Variants in SLC26A7 observed in about 807,000 individuals in gnomAD.
SLC26A7 encodes solute carrier family 26 member 7, also known as anion exchange transporter.
Under a neutral mutation model 82.5 loss-of-function variants are expected in SLC26A7, and 59 were observed. The observed-to-expected ratio is 0.72, with a 90% confidence interval of 0.58 to 0.89. SLC26A7 has a LOEUF of 0.89. Ranked by LOEUF, SLC26A7 falls within the 40% of genes least tolerant of loss-of-function variation. SLC26A7 has a pLI of 0.00. For synonymous variants in SLC26A7, 271 were observed against 274.3 expected (o/e 0.99, Z 0.12); for missense variants, 820 against 793.0 (o/e 1.03, Z -0.41).
upstream of SLC26A7, among the ~76,000 whole-genome samples, chr8:91,248,310 T>C (rs534671664): frequency 3.7e-4 from 57 of 152,248 alleles, no homozygotes; most frequent in African/African-American, 1.3e-3. Flanking sequence ...ATGTCATCTT[T>C]AGAAGATGGA....
At chr8:91,381,345 T>C (rs1814665858) in intron 15 of SLC26A7, among the ~76,000 whole-genome samples, 1 of 152,060 alleles carries the variant, frequency 6.6e-6, no homozygotes, top group South Asian at 2.1e-4. Context: ...TACAACATAA[T>C]AAAATAGAAT....
At chr8:91,243,698 T>C (rs753582085) in intron 2 of SLC26A7, among the ~76,000 whole-genome samples, 1 of 152,230 alleles carries the variant, frequency 6.6e-6, no homozygotes, top group East Asian at 1.9e-4. Flanking sequence ...ATAGTTTCCA[T>C]GTTTTCATCA....
intron 4 of SLC26A7, among the ~76,000 whole-genome samples, chr8:91,305,233 GT>G (rs892545122): frequency 4.4e-4 from 66 of 149,454 alleles, no homozygotes; most frequent in African/African-American, 1.1e-3. Context: ...ATTAAATTGA[GT>G]TTTTTTTTTC....
upstream of SLC26A7, among the ~76,000 whole-genome samples, chr8:91,249,107 T>A (rs1418915304): frequency 3.3e-5 from 5 of 152,158 alleles, no homozygotes; most frequent in Non-Finnish European, 2.9e-5. Flanking sequence ...CTGGATTCTC[T>A]GAATATATTT....
intron 9 of SLC26A7, among the ~76,000 whole-genome samples, chr8:91,344,993 A>G (rs1813522083): frequency 6.8e-6 from 1 of 147,172 alleles, no homozygotes; most frequent in African/African-American, 2.5e-5. Context: ...CTCAGGCTGG[A>G]GTGCAGTGGC....
At chr8:91,394,482 A>G (rs867755308) in intron 18 of SLC26A7, 5 of 1,355,354 alleles carry the variant, frequency 3.7e-6, no homozygotes, top group African/African-American at 2.9e-5. Flanking sequence ...TAGTGCTCAC[A>G]TGATCTGAAG....
intron 5 of SLC26A7, among the ~76,000 whole-genome samples, chr8:91,326,870 C>G (rs1812945203): frequency 6.6e-6 from 1 of 152,190 alleles, no homozygotes; most frequent in Non-Finnish European, 1.5e-5. Flanking sequence ...TGGCTCCTGG[C>G]ATTCCTTGGC....
intron 2 of SLC26A7, among the ~76,000 whole-genome samples, chr8:91,239,426 A>T (rs1172182676): frequency 7.1e-6 from 1 of 139,910 alleles, no homozygotes; most frequent in African/African-American, 2.6e-5. Flanking sequence ...ATGTATATAT[A>T]TGTATATATG....
At position 91,239,408 on chromosome 8, in the gene SLC26A7, ATATG is replaced by A. The variant is rs1198132180; in HGVS notation, c.-33-10207_-33-10204del. Among the ~76,000 whole-genome samples, 583 of 101,746 alleles carry A rather than the reference ATATG, an allele frequency of 5.7e-3. 4 individuals are homozygous for A. The highest frequency in any genetic ancestry group is 0.019 in the African/African-American group (548 of 28,510). 66.7% of individuals were successfully genotyped at this position (101,746 alleles called of 152,430 possible). ...AAAAAAAAAAAAAATATATATATAT[ATATG>A]TATATGTATATATATGTATATATGT... On this transcript the variant is annotated intron_variant, in intron 2 of 5. Coordinates refer to the SLC26A7 transcript ENST00000522862.
At position 91,366,562 on chromosome 8, in the gene SLC26A7, GTTT is replaced by G. The variant is rs750938141; in HGVS notation, c.1489-15_1489-13del. 6.2e-7 allele frequency: 1 copy of G among 1,608,252 alleles called. No individual in the cohort carries two copies. The highest frequency in any genetic ancestry group is 8.5e-7 in the Non-Finnish European group (1 of 1,178,596). Reference sequence around the variant, plus strand: ...ATTTTCTATTTAGAGTTCTGAATCTGTTTTTCTCCTCCAAAAGGAAACCCTGCA... The same window carrying G: ...ATTTTCTATTTAGAGTTCTGAATCTGTTCTCCTCCAAAAGGAAACCCTGCA... On this transcript the variant is annotated splice_polypyrimidine_tract_variant and intron_variant, in intron 13 of 18. Coordinates refer to ENST00000276609, the MANE Select transcript of SLC26A7 (RefSeq NM_052832.4).
At chr8:91,306,162 A>C (rs536699620) in intron 4 of SLC26A7, among the ~76,000 whole-genome samples, 86 of 151,648 alleles carry the variant, frequency 5.7e-4, no homozygotes, top group Non-Finnish European at 1.1e-3. Flanking sequence ...TGATCCTCAT[A>C]CTCTTCCCTC....
At chr8:91,342,507 A>G (rs1006201297) in intron 8 of SLC26A7, among the ~76,000 whole-genome samples, 5 of 152,234 alleles carry the variant, frequency 3.3e-5, no homozygotes, top group African/African-American at 9.6e-5. Flanking sequence ...AGATGGAAGT[A>G]TATGGATTCT....
chr8:91,372,187 T>C (rs145443938), intron 15 of SLC26A7, among the ~76,000 whole-genome samples: 1 of 152,186 alleles, frequency 6.6e-6, no homozygotes, highest in Non-Finnish European at 1.5e-5. Flanking sequence ...CTAGGTTGTC[T>C]GTTTAATCTG....
chr8:91,387,430 CCACTAA>C (rs1814830350), intron 15 of SLC26A7, among the ~76,000 whole-genome samples: 1 of 152,174 alleles, frequency 6.6e-6, no homozygotes, highest in South Asian at 2.1e-4. Context: ...GCCTGAATGT[CCACTAA>C]CCACTTAGCC....
intron 4 of SLC26A7, among the ~76,000 whole-genome samples, chr8:91,300,326 T>C (rs958342438): frequency 1.6e-4 from 25 of 152,324 alleles, no homozygotes; most frequent in African/African-American, 5.5e-4. Context: ...TTTTGCGTGT[T>C]AATTTTGAAT....
intron 15 of SLC26A7, among the ~76,000 whole-genome samples, chr8:91,372,234 TTAAC>T (rs1208628794): frequency 1.3e-5 from 2 of 152,140 alleles, no homozygotes; most frequent in South Asian, 2.1e-4. Flanking sequence ...GGCCTCTAGT[TTAAC>T]TAAGCCCCAT....
chr8:91,343,564 A>AT, intron 9 of SLC26A7, 98 bp downstream of exon 9: 1 of 717,382 alleles, frequency 1.4e-6, no homozygotes, highest in Non-Finnish European at 2.2e-6. Flanking sequence ...CCCTGAAACT[A>AT]TTTTCACTTA....
At chr8:91,312,309 T>C (rs1267568223) in intron 4 of SLC26A7, among the ~76,000 whole-genome samples, 1 of 152,192 alleles carries the variant, frequency 6.6e-6, no homozygotes, top group Non-Finnish European at 1.5e-5. Flanking sequence ...GGTTCAATAA[T>C]ATTTTATTGT....
At chr8:91,228,978 C>A (rs1810276557) in intron 2 of SLC26A7, among the ~76,000 whole-genome samples, 1 of 152,176 alleles carries the variant, frequency 6.6e-6, no homozygotes, top group Non-Finnish European at 1.5e-5. Context: ...ATATTTATTG[C>A]TACTTCTCAT....
Sources: allele counts gnomAD v4.1 joint callset (sites outside exome capture counted in the v4.1 genomes callset), GRCh38; gene constraint gnomAD v4.1.1; transcripts MANE v1.5; gene names NCBI Gene and HGNC (gene_info 2026-07-23, HGNC 2026-07-21).